TGM5: variants seen among roughly 807,000 people sequenced by gnomAD.
TGM5 encodes the protein protein-glutamine gamma-glutamyltransferase 5.
A neutral mutation model predicts 77.2 loss-of-function variants in TGM5; 69 were observed. That is an observed-to-expected ratio of 0.89 (90% CI 0.74 to 1.09). The LOEUF is 1.09. Ranked by LOEUF, TGM5 falls within the 50% of genes least tolerant of loss-of-function variation. The probability of loss-of-function intolerance (pLI) is 0.00; values close to 1 mark genes in which losing one functional copy is unlikely to be tolerated. For synonymous variants in TGM5, 346 were observed against 351.8 expected, an observed-to-expected ratio of 0.98 and a Z score of 0.18; for missense variants, 842 against 896.5, an observed-to-expected ratio of 0.94 and a Z score of 0.78.
In TGM5 at chr15:43,233,581, C is replaced by A; in HGVS notation, c.1982G>T (p.Gly661Val). ...GACTTTCTGCTGTTTCTTGAAGAGGCCACTTCCTTCCACAGTCAGCACACA... is the reference window on the plus strand; with the variant it reads ...GACTTTCTGCTGTTTCTTGAAGAGGACACTTCCTTCCACAGTCAGCACACA... ...EDCVLTVEGS[G>V]LFKKQQKVFL... The change falls in exon 12 of 13, where the codon GGC becomes GTC. Residue 661 changes from glycine to valine, a missense_variant. Around this residue, in one of 2 missense-constraint regions of TGM5, gnomAD observed 815 missense variants for 844.6 expected, o/e 0.96. Transcript: ENST00000220420. 6.2e-7 allele frequency: 1 copy of A among 1,614,176 alleles called. No homozygotes were observed. The highest frequency in any genetic ancestry group is 8.5e-7 in the Non-Finnish European group (1 of 1,180,036).
rs747171146 is a variant in TGM5 at position 43,235,530 on chromosome 15, A to G, written c.1653T>C (p.Asp551=). 3.7e-6 allele frequency: 6 copies of G among 1,614,182 alleles called. No homozygotes were observed. Among genetic ancestry groups the G allele is most frequent in the Non-Finnish European group, 5.1e-6 (6 of 1,180,022 alleles). ...GCCAGAATGGGGACAGGGGGCTGCC[A>G]TCGTGCAGCAGAGACTGGGCACTCA... The part of the protein sequence containing the change: ...VNLSAQSLLH[D]GSPLSPFWQD... Residue 551 remains aspartate (D), a synonymous_variant, in exon 10 of 13, where the codon GAT becomes GAC. Coordinates refer to ENST00000220420, the MANE Select transcript of TGM5 (RefSeq NM_201631.4).
Position 43,260,574 on chromosome 15 carries a change from C to G in TGM5, c.16G>C (p.Glu6Gln). The change falls in exon 2 of 13, where the codon GAA becomes CAA. Residue 6 changes from glutamate to glutamine, a missense_variant. Physicochemically the swap from Glu to Gln is conservative, Grantham distance 29 (BLOSUM62 2). Coordinates refer to ENST00000220420, the MANE Select transcript of TGM5 (RefSeq NM_201631.4). ...CTCTGGAGGTCTGTGAGGGCCACTTCTAGCCCTGCAATGGGGCAGCCAGGG... is the reference window on the plus strand; with the variant it reads ...CTCTGGAGGTCTGTGAGGGCCACTTGTAGCCCTGCAATGGGGCAGCCAGGG... MAQGLEVALTDLQSSR... is the reference protein window; with the variant it reads MAQGLQVALTDLQSSR... The G allele has an allele frequency of 2.5e-6, 4 of 1,614,144 alleles. No individual in the cohort carries two copies. The South Asian group carries it at 4.4e-5, about 18-fold the overall frequency.
chr15:43,238,832 A>T lies in TGM5; in HGVS notation c.1330T>A (p.Tyr444Asn). Residue 444 changes from tyrosine (Y) to asparagine (N), a missense_variant, in exon 9 of 13, where the codon TAC becomes AAC. Physicochemically the swap from Tyr to Asn is moderately radical, Grantham distance 143. Coordinates refer to ENST00000220420, the MANE Select transcript of TGM5 (RefSeq NM_201631.4). ...SDERDDITEN[Y>N]KYEEGSLQER... is the part of the protein sequence containing the mutation. ...GCTTACTTACCTTCTTCATACTTGT[A>T]GTTCTCTGTGATGTCATCCCGCTCG... The T allele has an allele frequency of 1.2e-6, 2 of 1,613,770 alleles. No individual in the cohort carries two copies. The highest frequency in any genetic ancestry group is 3.3e-5 in the Admixed American group (2 of 59,980).
At chr15:43,237,273 C>T (rs1284249881) in intron 9 of TGM5, among the ~76,000 whole-genome samples, 1 of 152,224 alleles carries the variant, frequency 6.6e-6, no homozygotes, top group Non-Finnish European at 1.5e-5. Context: ...GCAACTCTGT[C>T]TGAGGTTTTC....
At chr15:43,245,391 C>T (rs1227745088) in intron 6 of TGM5, among the ~76,000 whole-genome samples, 1 of 152,126 alleles carries the variant, frequency 6.6e-6, no homozygotes, top group Non-Finnish European at 1.5e-5. Flanking sequence ...CTCTTTATCC[C>T]ATGCCTTTAA....
intron 6 of TGM5, among the ~76,000 whole-genome samples, chr15:43,244,391 C>T (rs570451914): frequency 1.5e-4 from 23 of 152,172 alleles, no homozygotes; most frequent in Non-Finnish European, 3.2e-4. Context: ...CCTGATGACT[C>T]ACAGTTTGAC....
chr15:43,261,060 C>CTTTTTTTTTTTTTTTTTTTTTT (rs199676346), intron 1 of TGM5, among the ~76,000 whole-genome samples: 3 of 90,620 alleles, frequency 3.3e-5, no homozygotes, highest in African/African-American at 1.3e-4. Flanking sequence ...GCTGCTCTTC[C>CTTTTTTTTTTTTTTTTTTTTTT]TTTTTTTGTG....
chr15:43,243,351 C>G (rs2042651465), intron 6 of TGM5, among the ~76,000 whole-genome samples: 1 of 152,190 alleles, frequency 6.6e-6, no homozygotes, highest in South Asian at 2.1e-4. Flanking sequence ...CACCACTATC[C>G]TGATGGTTGT....
At chr15:43,241,335 T>G (rs1327190651) in intron 6 of TGM5, 1 of 374,412 alleles carries the variant, frequency 2.7e-6, no homozygotes, top group East Asian at 6.1e-5. Flanking sequence ...ATTTCTCTTC[T>G]GGCCCTAAAT....
intron 5 of TGM5, among the ~76,000 whole-genome samples, chr15:43,253,232 G>C (rs2042718542): frequency 6.6e-6 from 1 of 152,222 alleles, no homozygotes; most frequent in Admixed American, 6.5e-5. Flanking sequence ...CTTCAGAAAA[G>C]AGGAAATTTA....
At chr15:43,244,926 G>A (rs13329564) in intron 6 of TGM5, among the ~76,000 whole-genome samples, 5,755 of 152,048 alleles carry the variant, frequency 0.038, 128 homozygotes, top group South Asian at 0.081. Flanking sequence ...AAAATTGGCC[G>A]GGTATAGTGG....
chr15:43,237,549 C>CTTTTTTTT (rs557226889), intron 9 of TGM5, among the ~76,000 whole-genome samples: 1 of 145,460 alleles, frequency 6.9e-6, no homozygotes, highest in Non-Finnish European at 1.5e-5. Flanking sequence ...TTGGGACAGC[C>CTTTTTTTT]TTTTTTTTTT....
In TGM5 at chr15:43,232,760, C is replaced by T. The variant is rs554009490; in HGVS notation, c.*431G>A. 2.9e-4 allele frequency: 58 copies of T among 200,834 alleles called. 1 individual carries two copies. Among genetic ancestry groups the T allele is most frequent in the Middle Eastern group, 2.2e-3 (1 of 450 alleles). 12.4% of individuals were successfully genotyped at this position (200,834 alleles called of 1,614,324 possible). Reference sequence around the variant, plus strand: ...ATCCTCTGACCTCTGTGCCAAATCACGCTTCTGGATAGGAGACTGGAATCC... The same window carrying T: ...ATCCTCTGACCTCTGTGCCAAATCATGCTTCTGGATAGGAGACTGGAATCC... On this transcript the variant is annotated 3_prime_UTR_variant, in exon 13 of 13. Coordinates refer to ENST00000220420, the MANE Select transcript of TGM5 (RefSeq NM_201631.4).
intron 1 of TGM5, 104 bp from the exon 2 acceptor site, chr15:43,260,683 C>G (rs2042779520): frequency 1.6e-6 from 2 of 1,246,680 alleles, no homozygotes; most frequent in Non-Finnish European, 2.3e-6. Context: ...TTAGCTTGAG[C>G]CTCAGTTTCC....
chr15:43,233,111 G>T lies in TGM5; in HGVS notation c.*80C>A. 1 of 1,561,168 alleles carries T rather than the reference G, an allele frequency of 6.4e-7. No individual in the cohort carries two copies. The highest frequency in any genetic ancestry group is 8.8e-7 in the Non-Finnish European group (1 of 1,142,520). On this transcript the variant is annotated 3_prime_UTR_variant, in exon 13 of 13. Coordinates refer to ENST00000220420, the MANE Select transcript of TGM5 (RefSeq NM_201631.4). ...GCCCTGTGAAGCCTCTGTTGTGGTGGGGAATGGCGCAGCTTGCATTTGAAC... is the reference window on the plus strand; with the variant it reads ...GCCCTGTGAAGCCTCTGTTGTGGTGTGGAATGGCGCAGCTTGCATTTGAAC...
intron 7 of TGM5, 200 bp from the exon 8 acceptor site, chr15:43,239,466 G>C (rs2042618115): frequency 6.4e-6 from 4 of 621,128 alleles, no homozygotes; most frequent in Non-Finnish European, 1.2e-5. Context: ...AGGATTGCTT[G>C]AGCTCAGGAG....
At position 43,233,699 on chromosome 15, in the gene TGM5, A is replaced by G. The variant is rs542002158; in HGVS notation, c.1876-12T>C. 6.2e-7 allele frequency: 1 copy of G among 1,613,922 alleles called. No homozygotes were observed. Among genetic ancestry groups the G allele is most frequent in the African/African-American group, 1.3e-5 (1 of 75,044 alleles). On this transcript the variant is annotated splice_polypyrimidine_tract_variant and intron_variant, in intron 11 of 12. Transcript: ENST00000220420. The stretch of plus-strand genomic sequence containing the variant: ...GCTGCTCCTAGAACCTAAACAGACC[A>G]GGAGGGGAAGGAGAATTAGTTCTCA...
At chr15:43,243,143 G>A (rs1038496413) in intron 6 of TGM5, among the ~76,000 whole-genome samples, 3 of 152,248 alleles carry the variant, frequency 2.0e-5, no homozygotes, top group Non-Finnish European at 4.4e-5. Flanking sequence ...ATTAACCAGA[G>A]TATGAGGCTT....
chr15:43,260,216 C>T lies in TGM5; in HGVS notation c.272G>A (p.Trp91Ter). The change falls in exon 3 of 13, where the codon TGG (tryptophan) becomes TAG (stop). Residue 91 changes from tryptophan (W) to a stop codon, truncating the protein, a stop_gained. Coordinates refer to ENST00000220420, the MANE Select transcript of TGM5 (RefSeq NM_201631.4). LOFTEE classifies it high-confidence loss of function. ...RHHSPSPWIA[W>*]LETNGATSTE... ...GGAGGTGGCCCCATTGGTCTCCAGC[C>T]AGGCAATCCAGGGGCTGGGGCTGTG... is the stretch of plus-strand genomic sequence containing the variant. The T allele has an allele frequency of 1.2e-6, 2 of 1,614,044 alleles. No individual in the cohort carries two copies. The highest frequency in any genetic ancestry group is 1.7e-6 in the Non-Finnish European group (2 of 1,180,024).
Sources: allele counts gnomAD v4.1 joint callset (sites outside exome capture counted in the v4.1 genomes callset), GRCh38; gene constraint gnomAD v4.1.1; regional missense constraint gnomAD v4.1.1; transcripts MANE v1.5; gene names NCBI Gene and HGNC (gene_info 2026-07-23, HGNC 2026-07-21).